Variants in GATAD2B observed in about 807,000 individuals in gnomAD.
The protein encoded by GATAD2B is GATA zinc finger domain containing 2B.
In GATAD2B, 8 loss-of-function variants were observed where a neutral mutation model predicts 64.3. The observed-to-expected ratio is 0.12, with a 90% CI of 0.07 to 0.22. The LOEUF (loss-of-function observed/expected upper bound fraction) is 0.22. Among genes scored for constraint, GATAD2B ranks in the 10% least tolerant of loss-of-function variants. The probability of loss-of-function intolerance (pLI) is 1.00; values close to 1 mark genes in which losing one functional copy is unlikely to be tolerated. For synonymous variants in GATAD2B, 281 were observed against 271.3 expected, an observed-to-expected ratio of 1.04 and a Z score of -0.35; for missense variants, 453 against 752.0, an observed-to-expected ratio of 0.60 and a Z score of 4.65.
chr1:153,822,554 C>T (rs1173251014), intron 2 of GATAD2B, among the ~76,000 whole-genome samples: 1 of 152,126 alleles, frequency 6.6e-6, no homozygotes, highest in African/African-American at 2.4e-5. Context: ...GCACTGTCAC[C>T]GGGGCTGGAG....
intron 8 of GATAD2B, 133 bp from the exon 9 acceptor site, chr1:153,812,265 A>T (rs1674319400): frequency 1.7e-6 from 1 of 605,478 alleles, no homozygotes. Context: ...CCTGGGCTCA[A>T]GCAATCCTCT....
chr1:153,831,163 A>G (rs1675067007), intron 1 of GATAD2B, among the ~76,000 whole-genome samples: 1 of 152,214 alleles, frequency 6.6e-6, no homozygotes, highest in South Asian at 2.1e-4. Context: ...ATAAAAAAAG[A>G]ATGAGTTCAT....
intron 1 of GATAD2B, among the ~76,000 whole-genome samples, chr1:153,916,321 T>C (rs1571012197): frequency 6.8e-6 from 1 of 146,924 alleles, no homozygotes; most frequent in Non-Finnish European, 1.5e-5. Context: ...TATAAACAGA[T>C]GTGTAAGCGA....
rs959939270 is a variant in GATAD2B, at chr1:153,813,316, C to T, written c.1353G>A (p.Lys451=). The part of the protein sequence containing the change: ...CEQCMTSNQK[K]ALKAEHTNRL... Reference sequence around the variant, plus strand: ...GGTTGGTGTGTTCAGCTTTTAGAGCCTTTTTCTGGTTGGAGGTCATACACT... The same window carrying T: ...GGTTGGTGTGTTCAGCTTTTAGAGCTTTTTTCTGGTTGGAGGTCATACACT... The change falls in exon 8 of 11, where the codon AAG becomes AAA. Residue 451 remains lysine (K), a synonymous_variant. Transcript: ENST00000368655. 2 of 1,614,130 alleles carry T rather than the reference C, an allele frequency of 1.2e-6. No individual in the cohort carries two copies. The highest frequency in any genetic ancestry group is 8.5e-7 in the Non-Finnish European group (1 of 1,179,996).
At chr1:153,893,810 T>C (rs1677494429) in intron 1 of GATAD2B, among the ~76,000 whole-genome samples, 1 of 150,318 alleles carries the variant, frequency 6.7e-6, no homozygotes, top group African/African-American at 2.4e-5. Flanking sequence ...ATATAAAAAT[T>C]AGCCAGGCAT....
At chr1:153,861,322 C>G (rs1199778289) in intron 1 of GATAD2B, among the ~76,000 whole-genome samples, 1 of 151,822 alleles carries the variant, frequency 6.6e-6, no homozygotes, top group Non-Finnish European at 1.5e-5. Context: ...AAGGCCAACG[C>G]AGGAGGATCA....
At chr1:153,908,221 C>T (rs375565187) in intron 1 of GATAD2B, among the ~76,000 whole-genome samples, 1 of 152,168 alleles carries the variant, frequency 6.6e-6, no homozygotes, top group Non-Finnish European at 1.5e-5. Context: ...AGGCTGGGTA[C>T]CATGGCTCAT....
At chr1:153,904,888 G>A (rs1677880535) in intron 1 of GATAD2B, among the ~76,000 whole-genome samples, 1 of 152,072 alleles carries the variant, frequency 6.6e-6, no homozygotes, top group Non-Finnish European at 1.5e-5. Flanking sequence ...TCTATTTTTA[G>A]TAGAGACGGG....
intron 1 of GATAD2B, among the ~76,000 whole-genome samples, chr1:153,837,536 C>T (rs148488607): frequency 6.6e-6 from 1 of 152,156 alleles, no homozygotes; most frequent in African/African-American, 2.4e-5. Flanking sequence ...CTTAAATCCA[C>T]TGAATTATAT....
intron 1 of GATAD2B, among the ~76,000 whole-genome samples, chr1:153,844,785 A>T (rs1284250768): frequency 7.9e-6 from 1 of 126,090 alleles, no homozygotes; most frequent in African/African-American, 2.9e-5. Flanking sequence ...GGGGGGAGGG[A>T]TAGCATTGGG....
chr1:153,810,248 G>A lies in GATAD2B; in HGVS notation c.1711C>T (p.Arg571Ter), dbSNP rs372258374. ...ATGTCTAAAAGGTATTCACGCTGTC[G>A]GTCTGCCAAACTGGGGCCTTTGTGT... ...GGHKGPSLAD[R>*]QREYLLDMIP... is the part of the protein sequence containing the mutation. The change falls in exon 11 of 11, where the codon CGA (arginine) becomes TGA (stop). Residue 571 changes from arginine to a stop codon, truncating the protein, a stop_gained. Coordinates refer to ENST00000368655, the MANE Select transcript of GATAD2B (RefSeq NM_020699.4). LOFTEE classifies it high-confidence loss of function. The A allele has an allele frequency of 6.2e-7, 1 of 1,612,950 alleles. No homozygotes were observed. Among genetic ancestry groups the A allele is most frequent in the African/African-American group, 1.3e-5 (1 of 74,838 alleles).
At chr1:153,833,077 C>T (rs917045932) in intron 1 of GATAD2B, among the ~76,000 whole-genome samples, 3 of 152,196 alleles carry the variant, frequency 2.0e-5, no homozygotes, top group East Asian at 3.9e-4. Flanking sequence ...CATAGTAGTG[C>T]ACACCAGTAG....
rs1674092363 is a variant in GATAD2B, at chr1:153,805,735, T to C, written c.*4442A>G. On this transcript the variant is annotated 3_prime_UTR_variant, in exon 11 of 11. Transcript: ENST00000368655. The stretch of plus-strand genomic sequence containing the variant: ...ATGATCCCCCTCTTCACTTCACAGA[T>C]AAGAAAATTGATACTCAGAAAATTA... The C allele has an allele frequency of 6.6e-6, 1 of 152,160 alleles. No homozygotes were observed. Among genetic ancestry groups the C allele is most frequent in the African/African-American group, 2.4e-5 (1 of 41,432 alleles). The allele number at this position is 152,160 out of a possible 1,614,324, so 9.4% of individuals were successfully genotyped here. A position where few individuals can be genotyped will look rare whatever the true frequency, so the allele number is the denominator to read the frequency against.
intron 1 of GATAD2B, among the ~76,000 whole-genome samples, chr1:153,918,705 C>T (rs570932489): frequency 6.6e-6 from 1 of 152,146 alleles, no homozygotes; most frequent in Non-Finnish European, 1.5e-5. Flanking sequence ...GTAATCCCAG[C>T]ACTTTGGGAG....
intron 1 of GATAD2B, among the ~76,000 whole-genome samples, chr1:153,897,199 T>C (rs1677624675): frequency 6.6e-6 from 1 of 151,974 alleles, no homozygotes. Context: ...CCAGCTAATT[T>C]TTTGTATTTT....
Position 153,812,139 on chromosome 1 carries a change from G to T in GATAD2B, c.1420-7C>A. 1.3e-6 allele frequency: 2 copies of T among 1,532,976 alleles called. No homozygotes were observed. The highest frequency in any genetic ancestry group is 1.8e-6 in the Non-Finnish European group (2 of 1,106,778). The allele number at this position is 1,532,976 out of a possible 1,614,324, so 95.0% of individuals were successfully genotyped here. ...GTAATCGCTGTTCAATTTCCTGTTG[G>T]GAGTCATCACATCAGGTGATTGAGC... On this transcript the variant is annotated splice_region_variant and splice_polypyrimidine_tract_variant and intron_variant, in intron 8 of 10. Coordinates refer to ENST00000368655, the MANE Select transcript of GATAD2B (RefSeq NM_020699.4).
intron 1 of GATAD2B, among the ~76,000 whole-genome samples, chr1:153,833,029 A>G (rs1172134187): frequency 6.6e-6 from 1 of 152,152 alleles, no homozygotes; most frequent in Non-Finnish European, 1.5e-5. Flanking sequence ...CATTCCAACA[A>G]TTCTAAGGCC....
intron 1 of GATAD2B, among the ~76,000 whole-genome samples, chr1:153,922,275 G>C (rs1490284137): frequency 6.6e-6 from 1 of 150,942 alleles, no homozygotes; most frequent in African/African-American, 2.4e-5. Flanking sequence ...GCACCACTGG[G>C]GGTGGAGAGA....
At position 153,817,435 on chromosome 1, in the gene GATAD2B, C is replaced by A; in HGVS notation, c.837G>T (p.Pro279=). 1 of 1,611,420 alleles carries A rather than the reference C, an allele frequency of 6.2e-7. No homozygotes were observed. Among genetic ancestry groups the A allele is most frequent in the Non-Finnish European group, 8.5e-7 (1 of 1,179,178 alleles). The change falls in exon 6 of 11, where the codon CCG becomes CCT. Residue 279 remains proline, a synonymous_variant. Transcript: ENST00000368655. ...NPAQLQGQRG[P]PKPGLVRTTT... is the part of the protein sequence containing the mutation. ...TGGTGCGTACAAGGCCAGGCTTAGG[C>A]GGGCCCCGCTGACCCTGTAGCTGGG...
Sources: allele counts gnomAD v4.1 joint callset (sites outside exome capture counted in the v4.1 genomes callset), GRCh38; gene constraint gnomAD v4.1.1; transcripts MANE v1.5; gene names NCBI Gene and HGNC (gene_info 2026-07-23, HGNC 2026-07-21).